ZNF521: variants seen among roughly 807,000 people sequenced by gnomAD.
The protein encoded by ZNF521 is zinc finger protein 521, also known as LYST-interacting protein 3.
In ZNF521, 14 loss-of-function variants were observed where a neutral mutation model predicts 105.5. The observed-to-expected ratio is 0.13, with a 90% CI of 0.09 to 0.21. The LOEUF (loss-of-function observed/expected upper bound fraction) is 0.21. ZNF521 is among the 10% of genes least tolerant of loss of function. ZNF521 has a pLI of 1.00. For missense variants in ZNF521, 1,233 were observed against 1,629.7 expected (o/e 0.76, Z 4.19); for synonymous variants, 635 against 606.0 (o/e 1.05, Z -0.70).
intron 2 of ZNF521, among the ~76,000 whole-genome samples, chr18:25,346,001 GTGTA>G (rs985459199): frequency 6.6e-6 from 1 of 152,032 alleles, no homozygotes; most frequent in African/African-American, 2.4e-5. Context: ...TAATTTGTGT[GTGTA>G]TGTATCTTTT....
intron 3 of ZNF521, among the ~76,000 whole-genome samples, chr18:25,296,577 T>C (rs1911329049): frequency 6.6e-6 from 1 of 152,186 alleles, no homozygotes; most frequent in Non-Finnish European, 1.5e-5. Context: ...GAATTTTCTT[T>C]GAACAAACAC....
chr18:25,344,403 T>G (rs1350822650), intron 2 of ZNF521, among the ~76,000 whole-genome samples: 1 of 152,220 alleles, frequency 6.6e-6, no homozygotes, highest in Non-Finnish European at 1.5e-5. Flanking sequence ...GTAATAACAC[T>G]GTTGCAGAAC....
chr18:25,179,168 G>T (rs1174850846), intron 5 of ZNF521, among the ~76,000 whole-genome samples: 1 of 86,476 alleles, frequency 1.2e-5, no homozygotes, highest in African/African-American at 4.6e-5. Flanking sequence ...TGGTGGTGGT[G>T]GCAGGGATGG....
chr18:25,329,885 A>C (rs1913457939), intron 2 of ZNF521, among the ~76,000 whole-genome samples: 2 of 129,924 alleles, frequency 1.5e-5, no homozygotes, highest in African/African-American at 5.6e-5. Flanking sequence ...GTAAGTAGAA[A>C]GTGAAAACTA....
intron 5 of ZNF521, among the ~76,000 whole-genome samples, chr18:25,154,659 C>G (rs1600098925): frequency 6.6e-6 from 1 of 152,064 alleles, no homozygotes; most frequent in African/African-American, 2.4e-5. Context: ...CTGTAAATAA[C>G]TCAAATCAGA....
intron 4 of ZNF521, among the ~76,000 whole-genome samples, chr18:25,217,948 G>A (rs949371629): frequency 3.9e-5 from 6 of 152,202 alleles, no homozygotes; most frequent in Admixed American, 1.3e-4. Flanking sequence ...GAAGGTGGAA[G>A]ACAGTCAAGA....
intron 7 of ZNF521, among the ~76,000 whole-genome samples, chr18:25,072,251 T>A (rs2033244261): frequency 6.6e-6 from 1 of 152,220 alleles, no homozygotes; most frequent in Non-Finnish European, 1.5e-5. Flanking sequence ...TAAGTCCTAG[T>A]TGCTAACATA....
intron 5 of ZNF521, among the ~76,000 whole-genome samples, chr18:25,174,763 T>G (rs2035507283): frequency 6.6e-6 from 1 of 152,206 alleles, no homozygotes; most frequent in African/African-American, 2.4e-5. Flanking sequence ...CTTTCACTGC[T>G]CTGACCCCCA....
intron 7 of ZNF521, among the ~76,000 whole-genome samples, chr18:25,083,931 A>ATTTTTTTTTTTTTTTT (rs56364504): frequency 1.7e-5 from 1 of 57,864 alleles, no homozygotes. Context: ...AACCTGGGTA[A>ATTTTTTTTTTTTTTTT]TTTTTTTTTT....
intron 3 of ZNF521, among the ~76,000 whole-genome samples, chr18:25,316,674 G>A (rs984745542): frequency 3.3e-5 from 5 of 152,140 alleles, no homozygotes; most frequent in Admixed American, 1.3e-4. Flanking sequence ...AACATGGATC[G>A]TTCCTGATTT....
intron 2 of ZNF521, among the ~76,000 whole-genome samples, chr18:25,324,398 CAAA>C (rs34574068): frequency 0.11 from 12,726 of 116,456 alleles, 654 homozygotes; most frequent in Middle Eastern, 0.22. Flanking sequence ...GCAACAGATG[CAAA>C]AAAAAAAAAA....
intron 5 of ZNF521, among the ~76,000 whole-genome samples, chr18:25,180,407 A>C (rs2035612091): frequency 6.6e-6 from 1 of 152,220 alleles, no homozygotes; most frequent in African/African-American, 2.4e-5. Flanking sequence ...AAATAATGTC[A>C]AAAGCAATTC....
At chr18:25,135,486 C>G (rs990386445) in intron 5 of ZNF521, among the ~76,000 whole-genome samples, 4 of 152,002 alleles carry the variant, frequency 2.6e-5, no homozygotes, top group Non-Finnish European at 5.9e-5. Context: ...GCCACAGCAG[C>G]AGGAGCAAGC....
chr18:25,225,061 G>C lies in ZNF521; in HGVS notation c.2857C>G (p.Leu953Val), dbSNP rs753149081. The change falls in exon 4 of 8, where the codon CTA becomes GTA. Residue 953 changes from leucine to valine, a missense_variant. Leu to Val is a conservative substitution (Grantham distance 32, BLOSUM62 1). Coordinates refer to ENST00000361524, the MANE Select transcript of ZNF521 (RefSeq NM_015461.3). The surrounding 1 kb of genome is among the most constrained non-coding windows in gnomAD (Gnocchi z 5.6). The part of the protein sequence containing the change: ...NGLREHMQTH[L>V]GPVKHYMCPI... ...CACATGTAGTGTTTGACAGGGCCTA[G>C]GTGGGTCTGCATATGTTCCCGGAGG... 8.7e-6 allele frequency: 14 copies of C among 1,614,090 alleles called. No individual in the cohort carries two copies. Among genetic ancestry groups the C allele is most frequent in the Non-Finnish European group, 1.2e-5 (14 of 1,180,034 alleles).
intron 7 of ZNF521, 21 bp from the exon 8 acceptor site, chr18:25,062,762 A>C (rs766010777): frequency 1.7e-6 from 2 of 1,143,204 alleles, no homozygotes; most frequent in Non-Finnish European, 2.3e-6. Flanking sequence ...CAAAAAAAAA[A>C]AAAAAAAAAA....
chr18:25,123,945 C>T (rs2034491154), intron 5 of ZNF521, among the ~76,000 whole-genome samples: 1 of 152,126 alleles, frequency 6.6e-6, no homozygotes, highest in Admixed American at 6.6e-5. Flanking sequence ...ATTCACTCGA[C>T]TGATTGTTAT....
At chr18:25,074,385 G>C (rs769189861) in intron 7 of ZNF521, among the ~76,000 whole-genome samples, 1 of 152,172 alleles carries the variant, frequency 6.6e-6, no homozygotes, top group Non-Finnish European at 1.5e-5. Context: ...GTTTGGAGAA[G>C]AGAAAACATT....
At chr18:25,296,970 A>C (rs1911351541) in intron 3 of ZNF521, among the ~76,000 whole-genome samples, 1 of 152,108 alleles carries the variant, frequency 6.6e-6, no homozygotes, top group Non-Finnish European at 1.5e-5. Context: ...GAATGAAAAA[A>C]GTCTTATGTT....
chr18:25,075,315 G>A (rs2033334036), intron 7 of ZNF521, among the ~76,000 whole-genome samples: 1 of 152,234 alleles, frequency 6.6e-6, no homozygotes, highest in East Asian at 1.9e-4. Context: ...CCACAACACA[G>A]AAGGAGCTGG....
Sources: gnomAD v4.1 joint callset for allele counts (sites outside exome capture counted in the v4.1 genomes callset) on GRCh38, gnomAD v4.1.1 for gene constraint, Gnocchi (gnomAD v3.1) non-coding constraint, MANE v1.5 for transcripts, NCBI Gene and HGNC (gene_info 2026-07-23, HGNC 2026-07-21) for gene names.